Variants in PIH1D1 observed in about 807,000 individuals in gnomAD.
PIH1D1 encodes PIH1 domain containing 1, also known as PIH1 domain-containing protein 1.
In PIH1D1, 28 loss-of-function variants were observed where a neutral mutation model predicts 38.5. The observed-to-expected ratio is 0.73, with a 90% CI of 0.54 to 1.00. PIH1D1 has a LOEUF of 1.00. Among genes scored for constraint, PIH1D1 ranks in the 50% least tolerant of loss-of-function variants. The pLI, the probability that PIH1D1 is intolerant of heterozygous loss-of-function variation, is 0.00. For missense variants in PIH1D1, 343 were observed against 369.9 expected (o/e 0.93, Z 0.60); for synonymous variants, 155 against 153.5 (o/e 1.01, Z -0.07).
At chr19:49,450,690 C>G (rs1164136622) in intron 2 of PIH1D1, 92 bp downstream of exon 2, 2 of 690,734 alleles carry the variant, frequency 2.9e-6, no homozygotes, top group East Asian at 3.7e-5. Context: ...CCACCCCCAC[C>G]CTAGGCCTTT....
At chr19:49,447,296 G>C in intron 6 of PIH1D1, 42 bp downstream of exon 6, 1 of 1,610,590 alleles carries the variant, frequency 6.2e-7, no homozygotes, top group Non-Finnish European at 8.5e-7. Flanking sequence ...ATTCCCAAGA[G>C]CGTTGAGGAA....
chr19:49,451,231 G>A (rs1371179132), intron 1 of PIH1D1: 9 of 494,788 alleles, frequency 1.8e-5, no homozygotes, highest in African/African-American at 3.9e-5. Flanking sequence ...GGGTTTCACC[G>A]TGTTAGCCAG....
rs1336844675 is a variant in PIH1D1 at position 49,447,990 on chromosome 19, C to T, written c.399+11G>A. 1 of 1,614,176 alleles carries T rather than the reference C, an allele frequency of 6.2e-7. No homozygotes were observed. ...CCCTGCCCAGGCCTCAACCGCAGCC[C>T]CGCCCCCAACCTGCATCCTCCGGTA... is the stretch of plus-strand genomic sequence containing the variant. On this transcript the variant is annotated intron_variant, in intron 4 of 8. Coordinates refer to ENST00000262265, the MANE Select transcript of PIH1D1 (RefSeq NM_017916.3).
At chr19:49,448,437 A>G in intron 3 of PIH1D1, 1 of 294,890 alleles carries the variant, frequency 3.4e-6, no homozygotes, top group Non-Finnish European at 6.6e-6. Flanking sequence ...CGGCCCACTG[A>G]ATTTCTTTCA....
rs759676788 is a variant in PIH1D1, at chr19:49,451,477, C to T, written c.90+8G>A. The T allele has an allele frequency of 5.0e-6, 8 of 1,613,584 alleles. No individual in the cohort carries two copies. The highest frequency in any genetic ancestry group is 1.3e-5 in the African/African-American group (1 of 74,902). ...ATACTCAAGGATCCAGGGGTCCGGT[C>T]ACTGCACCTGCAGCAGCAGCTCCTC... On this transcript the variant is annotated splice_region_variant and intron_variant, in intron 1 of 8. Coordinates refer to ENST00000262265, the MANE Select transcript of PIH1D1 (RefSeq NM_017916.3).
chr19:49,449,057 TGGA>T (rs2122331678), intron 3 of PIH1D1: 1 of 338,510 alleles, frequency 3.0e-6, no homozygotes, highest in African/African-American at 2.2e-5. Context: ...CTGGGTGTGG[TGGA>T]GCACACCTGT....
At position 49,447,813 on chromosome 19, in the gene PIH1D1, G is replaced by A. The variant is rs566009776; in HGVS notation, c.481+14C>T. The A allele has an allele frequency of 1.4e-5, 22 of 1,612,698 alleles. No homozygotes were observed. The East Asian group carries it at 4.5e-4, about 33-fold the overall frequency. The stretch of plus-strand genomic sequence containing the variant: ...GCTCCACTCTTTCCCGAGGGCCCAG[G>A]ACCTGCCCCTCACCCGGATTCAGCT... On this transcript the variant is annotated intron_variant, in intron 5 of 8. Transcript: ENST00000262265.
intron 1 of PIH1D1, 46 bp from the exon 2 acceptor site, chr19:49,450,894 G>T: frequency 6.2e-7 from 1 of 1,613,204 alleles, no homozygotes; most frequent in Admixed American, 1.7e-5. Flanking sequence ...TGTGCCATCA[G>T]ACCCCTCATT....
intron 4 of PIH1D1, 43 bp from the exon 5 acceptor site, chr19:49,447,951 G>A: frequency 6.2e-7 from 1 of 1,613,438 alleles, no homozygotes; most frequent in Non-Finnish European, 8.5e-7. Flanking sequence ...GGCGGGGAGG[G>A]TAGGGGTAGA....
rs1412385294 is a variant in PIH1D1 at position 49,447,807 on chromosome 19, G to T, written c.481+20C>A. The T allele has an allele frequency of 1.2e-6, 2 of 1,610,634 alleles. No individual in the cohort carries two copies. The highest frequency in any genetic ancestry group is 2.2e-5 in the East Asian group (1 of 44,860). On this transcript the variant is annotated intron_variant, in intron 5 of 8. Coordinates refer to ENST00000262265, the MANE Select transcript of PIH1D1 (RefSeq NM_017916.3). ...CTCCTGGCTCCACTCTTTCCCGAGG[G>T]CCCAGGACCTGCCCCTCACCCGGAT...
At chr19:49,447,290 C>T in intron 6 of PIH1D1, 48 bp downstream of exon 6, 1 of 1,608,148 alleles carries the variant, frequency 6.2e-7, no homozygotes, top group South Asian at 1.1e-5. Context: ...GGAGGGATTC[C>T]CAAGAGCGTT....
Position 49,448,009 on chromosome 19 carries a change from T to A in PIH1D1, c.391A>T (p.Arg131Trp). The change falls in exon 4 of 9, where the codon AGG becomes TGG. Residue 131 changes from arginine to tryptophan, a missense_variant. Physicochemically the swap from Arg to Trp is moderately radical, Grantham distance 101. Coordinates refer to ENST00000262265, the MANE Select transcript of PIH1D1 (RefSeq NM_017916.3). ...DVAVNSDFYR[R>W]MQNSDFLREL... ...GCAGCCCCGCCCCCAACCTGCATCC[T>A]CCGGTAGAAGTCGCTGTTGACAGCT... 6.2e-7 allele frequency: 1 copy of A among 1,614,128 alleles called. No homozygotes were observed. The highest frequency in any genetic ancestry group is 2.2e-5 in the East Asian group (1 of 44,882).
Position 49,446,674 on chromosome 19 carries a change from C to T in PIH1D1, c.708G>A (p.Ser236=), listed in dbSNP as rs188082860. ...LPKLDGALGL[S]LEIGENRLVM... ...CCAGGCGGTTCTCCCCGATCTCCAGCGACAGCCCCAGGGCTCCATCCTGGA... is the reference window on the plus strand; with the variant it reads ...CCAGGCGGTTCTCCCCGATCTCCAGTGACAGCCCCAGGGCTCCATCCTGGA... Residue 236 remains serine, a synonymous_variant, in exon 8 of 9, where the codon TCG becomes TCA. Transcript: ENST00000262265. 5.1e-6 allele frequency: 8 copies of T among 1,579,048 alleles called. No homozygotes were observed. The South Asian group carries it at 7.0e-5, about 14-fold the overall frequency.
rs763787308 is a variant in PIH1D1 at position 49,449,593 on chromosome 19, G to C, written c.219C>G (p.Pro73=). ...GKVFINICHS[P]SIPPPADVTE... ...TCACGTCGGCGGGAGGAGGGATAGA[G>C]GGGGAGTGGCAGATGTTGATGAAAA... is the stretch of plus-strand genomic sequence containing the variant. The change falls in exon 3 of 9, where the codon CCC becomes CCG. Residue 73 remains proline, a synonymous_variant. Coordinates refer to ENST00000262265, the MANE Select transcript of PIH1D1 (RefSeq NM_017916.3). 2.5e-6 allele frequency: 4 copies of C among 1,614,166 alleles called. No homozygotes were observed. Among genetic ancestry groups the C allele is most frequent in the Non-Finnish European group, 3.4e-6 (4 of 1,180,036 alleles).
At position 49,449,565 on chromosome 19, in the gene PIH1D1, C is replaced by T. The variant is rs374017059; in HGVS notation, c.247G>A (p.Glu83Lys). The T allele has an allele frequency of 3.9e-5, 63 of 1,614,042 alleles. No individual in the cohort carries two copies. Among genetic ancestry groups the T allele is most frequent in the East Asian group, 1.6e-4 (7 of 44,896 alleles). ...PSIPPPADVT[E>K]EELLQMLEED... is the part of the protein sequence containing the mutation. Reference sequence around the variant, plus strand: ...TCTAGCATCTGAAGCAGCTCCTCCTCGGTCACGTCGGCGGGAGGAGGGATA... The same window carrying T: ...TCTAGCATCTGAAGCAGCTCCTCCTTGGTCACGTCGGCGGGAGGAGGGATA... Residue 83 changes from glutamate (E) to lysine (K), a missense_variant, in exon 3 of 9, where the codon GAG (glutamate) becomes AAG (lysine). Glu to Lys is a moderately conservative substitution (Grantham distance 56). Coordinates refer to ENST00000262265, the MANE Select transcript of PIH1D1 (RefSeq NM_017916.3).
At chr19:49,450,689 C>T (rs2079052887) in intron 2 of PIH1D1, 93 bp downstream of exon 2, 2 of 666,518 alleles carry the variant, frequency 3.0e-6, no homozygotes, top group Non-Finnish European at 2.4e-6. Context: ...CCCACCCCCA[C>T]CCTAGGCCTT....
intron 2 of PIH1D1, 104 bp downstream of exon 2, chr19:49,450,678 C>A: frequency 1.4e-5 from 4 of 291,576 alleles, no homozygotes; most frequent in South Asian, 7.4e-5. Flanking sequence ...TGTCTGCTCA[C>A]CCCACCCCCA....
intron 2 of PIH1D1, 76 bp downstream of exon 2, chr19:49,450,706 C>G (rs1280959089): frequency 4.7e-5 from 9 of 192,348 alleles, no homozygotes; most frequent in Non-Finnish European, 7.2e-5. Flanking sequence ...CCTTTATTTT[C>G]GTGTCTCTTT....
At chr19:49,449,156 A>AC in intron 3 of PIH1D1, 1 of 434,212 alleles carries the variant, frequency 2.3e-6, no homozygotes, top group Non-Finnish European at 4.3e-6. Flanking sequence ...AAAAAAAAAA[A>AC]GAAAGAAAGA....
Sources: allele counts gnomAD v4.1 joint callset, GRCh38; gene constraint gnomAD v4.1.1; transcripts MANE v1.5; gene names NCBI Gene and HGNC (gene_info 2026-07-23, HGNC 2026-07-21).